DNAH3: variants seen among roughly 807,000 people sequenced by gnomAD.
The protein encoded by DNAH3 is dynein axonemal heavy chain 3, also known as axonemal beta dynein heavy chain 3.
In DNAH3, 332 loss-of-function variants were observed where a neutral mutation model predicts 432.5. That is an observed-to-expected ratio of 0.77 (90% CI 0.70 to 0.84). The LOEUF (loss-of-function observed/expected upper bound fraction) is 0.84, where lower values mean the gene tolerates loss of function less well. Among genes scored for constraint, DNAH3 ranks in the 40% least tolerant of loss-of-function variants. DNAH3 has a pLI of 0.00. For synonymous variants in DNAH3, 1,956 were observed against 1,900.2 expected, an observed-to-expected ratio of 1.03 and a Z score of -0.76; for missense variants, 4,861 against 5,114.0, an observed-to-expected ratio of 0.95 and a Z score of 1.51.
At chr16:21,060,828 C>CTT (rs34315223) in intron 25 of DNAH3, among the ~76,000 whole-genome samples, 9,485 of 118,126 alleles carry the variant, frequency 0.08, 427 homozygotes, top group East Asian at 0.13. Context: ...CTGGTCTCTT[C>CTT]TTTTTTTTTT....
intron 53 of DNAH3, among the ~76,000 whole-genome samples, chr16:20,962,859 A>G (rs1247912301): frequency 2.0e-5 from 3 of 152,092 alleles, no homozygotes; most frequent in African/African-American, 4.8e-5. Flanking sequence ...AGGTCTCACT[A>G]TGTTGCCCAG....
At chr16:20,980,099 T>A (rs988444175) in intron 49 of DNAH3, among the ~76,000 whole-genome samples, 1 of 150,400 alleles carries the variant, frequency 6.6e-6, no homozygotes, top group Non-Finnish European at 1.5e-5. Context: ...CTTTGATGAA[T>A]CACCAGGGCT....
At chr16:20,977,469 C>A (rs2085648436) in intron 50 of DNAH3, among the ~76,000 whole-genome samples, 1 of 151,348 alleles carries the variant, frequency 6.6e-6, no homozygotes, top group Admixed American at 6.7e-5. Flanking sequence ...ACTCACTGGT[C>A]ATGATTCTGC....
intron 41 of DNAH3, among the ~76,000 whole-genome samples, chr16:21,004,794 A>G (rs1263352667): frequency 6.6e-6 from 1 of 151,586 alleles, no homozygotes; most frequent in Non-Finnish European, 1.5e-5. Context: ...GCAAATCCTG[A>G]TATCAGACCA....
At chr16:20,999,041 G>A (rs538953808) in intron 43 of DNAH3, among the ~76,000 whole-genome samples, 7 of 152,288 alleles carry the variant, frequency 4.6e-5, no homozygotes, top group South Asian at 4.2e-4. Flanking sequence ...AAGATCACTT[G>A]AGGCCAGGAG....
chr16:20,991,803 C>T (rs2086571020), intron 44 of DNAH3, among the ~76,000 whole-genome samples: 1 of 152,160 alleles, frequency 6.6e-6, no homozygotes, highest in African/African-American at 2.4e-5. Flanking sequence ...TTTGGCCAGA[C>T]CATAGGTGGT....
At chr16:21,147,626 C>G (rs540516585) in intron 1 of DNAH3, among the ~76,000 whole-genome samples, 14 of 152,104 alleles carry the variant, frequency 9.2e-5, no homozygotes, top group Non-Finnish European at 2.1e-4. Context: ...ATGATTCCTG[C>G]GAAAAGAAAA....
chr16:21,124,611 T>C (rs2092408384), intron 9 of DNAH3, among the ~76,000 whole-genome samples: 1 of 152,248 alleles, frequency 6.6e-6, no homozygotes, highest in Admixed American at 6.5e-5. Context: ...GGTCAGATCA[T>C]GGTAATTAGC....
At chr16:21,021,479 T>C (rs1260467056) in intron 40 of DNAH3, among the ~76,000 whole-genome samples, 1 of 152,098 alleles carries the variant, frequency 6.6e-6, no homozygotes, top group African/African-American at 2.4e-5. Flanking sequence ...CAAAAATCAA[T>C]GTCAGACAAA....
At chr16:21,137,105 G>T (rs1412915662) in intron 5 of DNAH3, among the ~76,000 whole-genome samples, 1 of 151,954 alleles carries the variant, frequency 6.6e-6, no homozygotes, top group African/African-American at 2.4e-5. Flanking sequence ...CTGCACTCCA[G>T]CCTGGGTGAC....
intron 36 of DNAH3, among the ~76,000 whole-genome samples, chr16:21,033,079 G>A (rs557526711): frequency 4.6e-5 from 7 of 152,122 alleles, no homozygotes; most frequent in Non-Finnish European, 7.4e-5. Flanking sequence ...TGATCCGCCC[G>A]CCTTGGCCCC....
At chr16:20,987,954 A>C in exon 45 of DNAH3, 2 of 1,614,178 alleles carry the variant, frequency 1.2e-6, no homozygotes, top group Non-Finnish European at 1.7e-6. Context: ...TAAAAACATC[A>C]CATCAAACCC....
At position 21,088,386 on chromosome 16, in the gene DNAH3, G is replaced by T. The variant is rs983775366; in HGVS notation, c.2666-1326C>A. Among the ~76,000 whole-genome samples the T allele has an allele frequency of 3.3e-5, 5 of 151,800 alleles. No homozygotes were observed. In the South Asian group the frequency reaches 1.0e-3, roughly 31 times the overall value. ...ACTTCATTGTTCCCACTCTATAGTT[G>T]TAAGAGTGAAGCACAAACAGAGTGA... is the stretch of plus-strand genomic sequence containing the variant. On this transcript the variant is annotated intron_variant, in intron 18 of 61. Coordinates refer to ENST00000261383, the Ensembl canonical transcript of DNAH3.
At chr16:21,042,004 C>A in intron 32 of DNAH3, 23 bp downstream of exon 32, 4 of 1,613,414 alleles carry the variant, frequency 2.5e-6, no homozygotes, top group Non-Finnish European at 3.4e-6. Flanking sequence ...GCACACCCCA[C>A]ATGTATATCT....
rs181025130 is a variant in DNAH3, at chr16:21,003,094, C to G, written c.6126+10G>C. 825 of 1,563,872 alleles carry G rather than the reference C, an allele frequency of 5.3e-4. 1 individual carries two copies. The highest frequency in any genetic ancestry group is 3.8e-4 in the Non-Finnish European group (437 of 1,136,684). The stretch of plus-strand genomic sequence containing the variant: ...AACCAAAGTTCCATGGCCAATGATT[C>G]TCTTTATACCTTTGCACCAGCTGGA... On this transcript the variant is annotated intron_variant, in intron 42 of 61. Transcript: ENST00000261383.
intron 51 of DNAH3, among the ~76,000 whole-genome samples, chr16:20,975,002 T>C (rs2085520215): frequency 6.7e-6 from 1 of 150,012 alleles, no homozygotes; most frequent in South Asian, 2.1e-4. Context: ...TTTTTTTTTT[T>C]TTTTTTAAAG....
rs571125878 is a variant in DNAH3 at position 21,032,776 on chromosome 16, G to A, written c.5197+1198C>T. 5.3e-5 allele frequency among the ~76,000 whole-genome samples: 8 copies of A among 152,192 alleles called. No homozygotes were observed. In the South Asian group the frequency reaches 1.5e-3, roughly 28 times the overall value. The stretch of plus-strand genomic sequence containing the variant: ...TGCAGTGAGCCGAGACTGTGCCACT[G>A]CACTATCTCTAAAAACCATTAAAAA... On this transcript the variant is annotated intron_variant, in intron 36 of 61. Transcript: ENST00000261383.
At chr16:21,139,320 C>CCTTTTT (rs2092687150) in intron 5 of DNAH3, among the ~76,000 whole-genome samples, 1 of 29,614 alleles carries the variant, frequency 3.4e-5, no homozygotes, top group Non-Finnish European at 5.3e-5. Context: ...TTTCCTCATG[C>CCTTTTT]TTTTTTTTTT....
At chr16:21,153,066 C>G (rs2092873486) in intron 1 of DNAH3, among the ~76,000 whole-genome samples, 1 of 152,234 alleles carries the variant, frequency 6.6e-6, no homozygotes, top group Non-Finnish European at 1.5e-5. Flanking sequence ...GCTCCTGAGT[C>G]TGATGGGGAC....
Sources: allele counts gnomAD v4.1 joint callset (sites outside exome capture counted in the v4.1 genomes callset), GRCh38; gene constraint gnomAD v4.1.1; transcripts MANE v1.5; gene names NCBI Gene and HGNC (gene_info 2026-07-23, HGNC 2026-07-21).